Variants in CTNND2 observed in about 807,000 individuals in gnomAD.
CTNND2 encodes catenin delta 2.
CTNND2 carries 22 observed loss-of-function variants against 144.4 expected under a neutral mutation model. That is an observed-to-expected ratio of 0.15 (90% confidence interval 0.11 to 0.22). The LOEUF (loss-of-function observed/expected upper bound fraction) is 0.22. Ranked by LOEUF, CTNND2 falls within the 10% of genes least tolerant of loss-of-function variation. The pLI, the probability that CTNND2 is intolerant of heterozygous loss-of-function variation, is 1.00. For synonymous variants in CTNND2, 751 were observed against 695.6 expected (o/e 1.08, Z -1.25); for missense variants, 1,353 against 1,618.8 (o/e 0.84, Z 2.82).
At chr5:11,670,332 C>A (rs1156554877) in intron 2 of CTNND2, among the ~76,000 whole-genome samples, 1 of 151,976 alleles carries the variant, frequency 6.6e-6, no homozygotes, top group Non-Finnish European at 1.5e-5. Flanking sequence ...TTGATCTGTC[C>A]AATACTGACA....
chr5:11,291,726 CA>C (rs1418420458), intron 9 of CTNND2, among the ~76,000 whole-genome samples: 28 of 152,138 alleles, frequency 1.8e-4, no homozygotes, highest in Non-Finnish European at 2.9e-5. Context: ...CTTAGCTCCC[CA>C]AATCTCCCCA....
intron 14 of CTNND2, among the ~76,000 whole-genome samples, chr5:11,109,816 T>A (rs1752775928): frequency 6.6e-6 from 1 of 151,196 alleles, no homozygotes; most frequent in Non-Finnish European, 1.5e-5. Flanking sequence ...TCAATCATTA[T>A]CTTCTCTTGG....
Position 11,213,140 on chromosome 5 carries a change from A to T in CTNND2, c.1762-13479T>A, listed in dbSNP as rs1738810975. On this transcript the variant is annotated intron_variant, in intron 10 of 21. Transcript: ENST00000304623. Reference sequence around the variant, plus strand: ...TACATCTCTCAACCATTTTTGTTTCAATCAACTTAAATGTTTTTACTCCAA... The same window carrying T: ...TACATCTCTCAACCATTTTTGTTTCTATCAACTTAAATGTTTTTACTCCAA... 2.0e-5 allele frequency among the ~76,000 whole-genome samples: 3 copies of T among 152,166 alleles called. No individual in the cohort carries two copies. In the South Asian group the frequency reaches 6.2e-4, roughly 32 times the overall value.
At chr5:11,222,064 C>T (rs187412956) in intron 10 of CTNND2, among the ~76,000 whole-genome samples, 4 of 152,336 alleles carry the variant, frequency 2.6e-5, no homozygotes, top group East Asian at 1.9e-4. Context: ...TGAGTGCCGG[C>T]TCCTTCACCT....
chr5:11,790,078 A>T (rs1242552821), intron 1 of CTNND2, among the ~76,000 whole-genome samples: 1 of 152,154 alleles, frequency 6.6e-6, no homozygotes, highest in Non-Finnish European at 1.5e-5. Context: ...ACTAGTTTTT[A>T]TGCTTCGAGG....
Position 11,903,346 on chromosome 5 carries a change from G to A in CTNND2, c.37+471C>T. On this transcript the variant is annotated intron_variant, in intron 1 of 21. Transcript: ENST00000304623. This position sits in a 1 kb window ranked among gnomAD's most constrained non-coding sequence, Gnocchi z 5.4. ...TGAAGACACGGCCATGGACGCATAT[G>A]ACTAAGTCTTTCCATTTTGTTCTAG... 1 of 989,012 alleles carries A rather than the reference G, an allele frequency of 1.0e-6. No homozygotes were observed. Among genetic ancestry groups the A allele is most frequent in the Non-Finnish European group, 1.2e-6 (1 of 832,504 alleles). The allele number at this position is 989,012 out of a possible 1,614,324, so 61.3% of individuals were successfully genotyped here.
intron 7 of CTNND2, among the ~76,000 whole-genome samples, chr5:11,371,549 G>A (rs974089518): frequency 3.9e-5 from 6 of 152,158 alleles, no homozygotes; most frequent in Admixed American, 2.0e-4. Flanking sequence ...TCCTGAGATT[G>A]ACTTGTTTTA....
intron 3 of CTNND2, among the ~76,000 whole-genome samples, chr5:11,556,397 T>C (rs923019349): frequency 5.3e-5 from 8 of 152,224 alleles, no homozygotes; most frequent in Non-Finnish European, 1.0e-4. Context: ...TAAAATGTCT[T>C]ACTTTGTGAA....
chr5:11,412,098 T>A, intron 3 of CTNND2, 29 bp from the exon 4 acceptor site: 1 of 1,582,802 alleles, frequency 6.3e-7, no homozygotes. Flanking sequence ...AGAGATATAA[T>A]GCATTGATTA....
chr5:11,387,863 A>G (rs983730864), intron 6 of CTNND2, among the ~76,000 whole-genome samples: 32 of 152,310 alleles, frequency 2.1e-4, no homozygotes, highest in African/African-American at 7.7e-4. Flanking sequence ...CTAATATTTA[A>G]ATATTAGAAC....
chr5:11,487,147 T>C (rs1390572254), intron 3 of CTNND2, among the ~76,000 whole-genome samples: 1 of 152,318 alleles, frequency 6.6e-6, no homozygotes, highest in South Asian at 2.1e-4. Flanking sequence ...ATATAAATGA[T>C]CATGTCAAAA....
At position 11,726,217 on chromosome 5, in the gene CTNND2, A is replaced by G. The variant is rs545865784; in HGVS notation, c.174+5919T>C. On this transcript the variant is annotated intron_variant, in intron 2 of 21. Transcript: ENST00000304623. ...AAAATGGAATCAATCTAAGATCAAC[A>G]AAGGTAAAAATGTGAAATACAATTA... Among the ~76,000 whole-genome samples the G allele has an allele frequency of 1.9e-4, 29 of 152,338 alleles. No homozygotes were observed. In the East Asian group the frequency reaches 3.5e-3, roughly 18 times the overall value.
At chr5:11,077,539 G>T (rs935804655) in intron 16 of CTNND2, among the ~76,000 whole-genome samples, 2 of 152,154 alleles carry the variant, frequency 1.3e-5, no homozygotes, top group Admixed American at 1.3e-4. Context: ...ATTTCCAGAG[G>T]ACTAGGTGGG....
intron 16 of CTNND2, among the ~76,000 whole-genome samples, chr5:11,078,081 C>G (rs1294518039): frequency 6.6e-6 from 1 of 152,128 alleles, no homozygotes; most frequent in Non-Finnish European, 1.5e-5. Flanking sequence ...CTGGAGATAC[C>G]TGTTTGGAGT....
intron 16 of CTNND2, among the ~76,000 whole-genome samples, chr5:11,036,987 C>T (rs898814564): frequency 6.6e-6 from 1 of 152,080 alleles, no homozygotes; most frequent in East Asian, 1.9e-4. Flanking sequence ...TATGCTTCAG[C>T]AGTGATGACC....
intron 3 of CTNND2, among the ~76,000 whole-genome samples, chr5:11,495,787 G>A (rs544029045): frequency 2.6e-5 from 4 of 152,224 alleles, no homozygotes; most frequent in Non-Finnish European, 5.9e-5. Context: ...GAAAATCACC[G>A]AAGTTCTGAC....
chr5:11,423,383 A>AT lies in CTNND2; in HGVS notation c.288-11315dup, dbSNP rs371281973. 3.6e-3 allele frequency among the ~76,000 whole-genome samples: 551 copies of AT among 152,288 alleles called. 5 individuals carry two copies. Among genetic ancestry groups the AT allele is most frequent in the African/African-American group, 0.012 (513 of 41,568 alleles). Reference sequence around the variant, plus strand: ...CTCAGGTGGATTATCCATAACTGATATTTCTGCAGGAGAAGAGTACCTAGT... The same window carrying AT: ...CTCAGGTGGATTATCCATAACTGATATTTTCTGCAGGAGAAGAGTACCTAGT... On this transcript the variant is annotated intron_variant, in intron 3 of 21. Transcript: ENST00000304623.
intron 2 of CTNND2, among the ~76,000 whole-genome samples, chr5:11,671,242 C>T (rs946492415): frequency 1.3e-5 from 2 of 152,036 alleles, no homozygotes; most frequent in Admixed American, 6.6e-5. Context: ...GTGAATCTGA[C>T]GATTATGTGT....
intron 2 of CTNND2, among the ~76,000 whole-genome samples, chr5:11,721,390 A>AC (rs1361914476): frequency 2.6e-5 from 4 of 152,032 alleles, no homozygotes; most frequent in Non-Finnish European, 4.4e-5. Flanking sequence ...TTTTAAATTC[A>AC]CCCCAGGCTA....
Sources: gnomAD v4.1 joint callset for allele counts (sites outside exome capture counted in the v4.1 genomes callset) on GRCh38, gnomAD v4.1.1 for gene constraint, Gnocchi (gnomAD v3.1) non-coding constraint, MANE v1.5 for transcripts, NCBI Gene and HGNC (gene_info 2026-07-23, HGNC 2026-07-21) for gene names.